MIPEP: variants seen among roughly 807,000 people sequenced by gnomAD.
MIPEP encodes the protein mitochondrial intermediate peptidase.
Under a neutral mutation model 90.3 loss-of-function variants are expected in MIPEP, and 79 were observed. The observed-to-expected ratio is 0.87, with a 90% confidence interval of 0.73 to 1.05. The LOEUF (loss-of-function observed/expected upper bound fraction) is 1.05, where lower values mean the gene tolerates loss of function less well. Among genes scored for constraint, MIPEP ranks in the 50% least tolerant of loss-of-function variants. MIPEP has a pLI of 0.00. For synonymous variants in MIPEP, 334 were observed against 315.8 expected (o/e 1.06, Z -0.61); for missense variants, 940 against 905.6 (o/e 1.04, Z -0.49).
chr13:23,856,954 A>G (rs1458069550), intron 10 of MIPEP, among the ~76,000 whole-genome samples: 2 of 151,986 alleles, frequency 1.3e-5, no homozygotes, highest in East Asian at 1.9e-4. Flanking sequence ...AGAATATTTA[A>G]TATTCTAAAT....
intron 7 of MIPEP, among the ~76,000 whole-genome samples, chr13:23,865,928 C>T (rs929294883): frequency 6.6e-6 from 1 of 152,112 alleles, no homozygotes; most frequent in African/African-American, 2.4e-5. Context: ...GCCTCAGCCT[C>T]CCAAAGTGCT....
Position 23,869,343 on chromosome 13 carries a change from A to T in MIPEP, c.892T>A (p.Tyr298Asn). The change falls in exon 7 of 19, where the codon TAT becomes AAT. Residue 298 changes from tyrosine (Y) to asparagine (N), a missense_variant. Physicochemically the swap from Tyr to Asn is moderately radical, Grantham distance 143 (BLOSUM62 -2). Coordinates refer to ENST00000382172, the MANE Select transcript of MIPEP (RefSeq NM_005932.4). ...SRDLLAKLVG[Y>N]STFSHRALQG... is the part of the protein sequence containing the mutation. ...AGAGCCCTGTGAGAAAACGTGGAAT[A>T]CCCCACCAACTTTGCCAGAAGATCT... The T allele has an allele frequency of 3.7e-6, 6 of 1,612,784 alleles. No individual in the cohort carries two copies. Among genetic ancestry groups the T allele is most frequent in the Non-Finnish European group, 5.1e-6 (6 of 1,179,614 alleles).
rs118046386 is a variant in MIPEP at position 23,805,299 on chromosome 13, G to T, written c.1848+651C>A. Among the ~76,000 whole-genome samples, 423 of 152,262 alleles carry T rather than the reference G, an allele frequency of 2.8e-3. 3 individuals carry two copies. The highest frequency in any genetic ancestry group is 4.2e-3 in the Non-Finnish European group (286 of 68,002). ...TTTGAGTGATGAAAAAAGCCTGTTTGTTTTGAACCCCCATACAATCACTTA... is the reference window on the plus strand; with the variant it reads ...TTTGAGTGATGAAAAAAGCCTGTTTTTTTTGAACCCCCATACAATCACTTA... On this transcript the variant is annotated intron_variant, in intron 16 of 18. Transcript: ENST00000382172.
intron 16 of MIPEP, among the ~76,000 whole-genome samples, chr13:23,792,315 T>C (rs1952905269): frequency 6.6e-6 from 1 of 152,236 alleles, no homozygotes; most frequent in South Asian, 2.1e-4. Context: ...TCTGGTTTGT[T>C]TAGTAGACGT....
chr13:23,771,054 T>TG (rs562467889), intron 16 of MIPEP, among the ~76,000 whole-genome samples: 138 of 152,234 alleles, frequency 9.1e-4, no homozygotes, highest in African/African-American at 2.3e-3. Flanking sequence ...GCACAGTCAC[T>TG]GGGGGGTGCA....
chr13:23,756,901 T>G, intron 17 of MIPEP: 2 of 394,382 alleles, frequency 5.1e-6, no homozygotes, highest in South Asian at 6.8e-5. Context: ...AATTAACTTA[T>G]GTATTATACA....
chr13:23,862,449 A>G, intron 8 of MIPEP, 87 bp from the exon 9 acceptor site: 1 of 746,168 alleles, frequency 1.3e-6, no homozygotes, highest in African/African-American at 1.8e-5. Context: ...TTACATTCCA[A>G]TATTCATAAG....
intron 14 of MIPEP, among the ~76,000 whole-genome samples, chr13:23,829,394 GC>G (rs2137441327): frequency 6.6e-6 from 1 of 151,940 alleles, no homozygotes; most frequent in South Asian, 2.1e-4. Flanking sequence ...ATGCCTGTAA[GC>G]CTGGGCGAAA....
chr13:23,875,910 A>T (rs1871051962), intron 4 of MIPEP, among the ~76,000 whole-genome samples: 1 of 152,210 alleles, frequency 6.6e-6, no homozygotes, highest in Non-Finnish European at 1.5e-5. Context: ...GTAAAATTAT[A>T]TCACAAACAT....
intron 7 of MIPEP, 94 bp from the exon 8 acceptor site, chr13:23,864,283 C>A: frequency 1.2e-6 from 1 of 853,672 alleles, no homozygotes; most frequent in South Asian, 1.8e-5. Flanking sequence ...AATCTATATC[C>A]CACAATTCCC....
intron 14 of MIPEP, among the ~76,000 whole-genome samples, chr13:23,830,894 G>C (rs1037612318): frequency 5.9e-5 from 9 of 152,282 alleles, no homozygotes; most frequent in African/African-American, 2.2e-4. Context: ...CAAACACACT[G>C]GGACTGGCAG....
At chr13:23,870,711 A>G (rs1343460254) in intron 5 of MIPEP, among the ~76,000 whole-genome samples, 1 of 152,116 alleles carries the variant, frequency 6.6e-6, no homozygotes, top group African/African-American at 2.4e-5. Flanking sequence ...AGGCTGAGGC[A>G]CGAGAATCGC....
intron 16 of MIPEP, among the ~76,000 whole-genome samples, chr13:23,792,486 C>T (rs986692284): frequency 1.3e-5 from 2 of 152,058 alleles, no homozygotes; most frequent in Non-Finnish European, 2.9e-5. Flanking sequence ...CTCAAGTGAT[C>T]CTCCCACCTC....
In MIPEP at chr13:23,881,737, C is replaced by T. The variant is rs4067965; in HGVS notation, c.414G>A (p.Ala138=). The stretch of plus-strand genomic sequence containing the variant: ...TGCCAATACTTCTACAAGCTTCTTC[C>T]GCAGCTTCTCTGAATGCTGGCTCAG... ...AHPEPAFREA[A]EEACRSIGTM... The change falls in exon 3 of 19, where the codon GCG becomes GCA. Residue 138 remains alanine, a synonymous_variant. Coordinates refer to ENST00000382172, the MANE Select transcript of MIPEP (RefSeq NM_005932.4). 6.2e-6 allele frequency: 10 copies of T among 1,614,034 alleles called. No homozygotes were observed. Among genetic ancestry groups the T allele is most frequent in the East Asian group, 2.2e-5 (1 of 44,876 alleles).
intron 5 of MIPEP, among the ~76,000 whole-genome samples, chr13:23,872,779 T>A (rs1182091303): frequency 6.6e-6 from 1 of 152,114 alleles, no homozygotes; most frequent in Non-Finnish European, 1.5e-5. Flanking sequence ...AAACTGAACA[T>A]ATACTATTTG....
At chr13:23,854,188 A>ATT (rs568842347) in intron 10 of MIPEP, among the ~76,000 whole-genome samples, 5 of 114,176 alleles carry the variant, frequency 4.4e-5, no homozygotes, top group Non-Finnish European at 7.4e-5. Flanking sequence ...AGCCAGGCTA[A>ATT]TTTTTTTTTT....
intron 15 of MIPEP, among the ~76,000 whole-genome samples, chr13:23,807,178 G>T (rs558470793): frequency 3.3e-5 from 5 of 152,206 alleles, no homozygotes; most frequent in Non-Finnish European, 5.9e-5. Flanking sequence ...GTTTGGACAT[G>T]AAATCTGCTG....
At chr13:23,888,850 C>A (rs955034242) in intron 1 of MIPEP, 4 of 696,008 alleles carry the variant, frequency 5.7e-6, no homozygotes, top group African/African-American at 1.9e-5. Flanking sequence ...GAATTCACCG[C>A]CACTGCCAGA....
At position 23,797,005 on chromosome 13, in the gene MIPEP, C is replaced by A. The variant is rs1266219932; in HGVS notation, c.1848+8945G>T. 7.2e-5 allele frequency among the ~76,000 whole-genome samples: 11 copies of A among 152,120 alleles called. No individual in the cohort carries two copies. The East Asian group carries it at 2.1e-3, about 29-fold the overall frequency. On this transcript the variant is annotated intron_variant, in intron 16 of 18. Transcript: ENST00000382172. ...TCAAGCCACTATACAGCCAATGTAA[C>A]CCTAAAATAATAGAAAGGAGCAGAG...
Sources: allele counts gnomAD v4.1 joint callset (sites outside exome capture counted in the v4.1 genomes callset), GRCh38; gene constraint gnomAD v4.1.1; transcripts MANE v1.5; gene names NCBI Gene and HGNC (gene_info 2026-07-23, HGNC 2026-07-21).